OTUD7A: variants seen among roughly 807,000 people sequenced by gnomAD.
OTUD7A encodes the protein OTU domain-containing protein 7A.
OTUD7A carries 12 observed loss-of-function variants against 65.7 expected under a neutral mutation model. That is an observed-to-expected ratio of 0.18 (90% CI 0.12 to 0.30). The LOEUF (loss-of-function observed/expected upper bound fraction) is 0.30, where lower values mean the gene tolerates loss of function less well. Among genes scored for constraint, OTUD7A ranks in the 10% least tolerant of loss-of-function variants. OTUD7A has a pLI of 1.00. For missense variants in OTUD7A, 1,148 were observed against 1,304.8 expected (o/e 0.88, Z 1.85); for synonymous variants, 641 against 586.3 (o/e 1.09, Z -1.35).
At chr15:31,561,431 G>A (rs1888685380) in intron 4 of OTUD7A, among the ~76,000 whole-genome samples, 1 of 152,136 alleles carries the variant, frequency 6.6e-6, no homozygotes, top group Admixed American at 6.5e-5. Context: ...TTAGAGAATC[G>A]AGGTGCTATG....
At chr15:31,677,263 T>C (rs1892614440) in intron 1 of OTUD7A, among the ~76,000 whole-genome samples, 1 of 152,088 alleles carries the variant, frequency 6.6e-6, no homozygotes, top group Non-Finnish European at 1.5e-5. Context: ...TACATGATGG[T>C]GTGGTCTCTA....
chr15:31,747,270 A>G (rs1333871089), intron 1 of OTUD7A, among the ~76,000 whole-genome samples: 1 of 152,068 alleles, frequency 6.6e-6, no homozygotes. Flanking sequence ...TTTCTTAATT[A>G]TGACAACGCC....
At chr15:31,720,253 A>G (rs1408391207) in intron 1 of OTUD7A, among the ~76,000 whole-genome samples, 2 of 151,400 alleles carry the variant, frequency 1.3e-5, no homozygotes, top group Admixed American at 6.6e-5. Flanking sequence ...CACATCCAAT[A>G]GTTGTTATTT....
chr15:31,629,302 AG>A lies in OTUD7A; in HGVS notation c.151+25793del, dbSNP rs1454949307. On this transcript the variant is annotated intron_variant, in intron 3 of 12. Transcript: ENST00000307050. ...AATTTATTGAGAGTTTTTAGCATCA[AG>A]GGTTGTTGAATTTTGTCAAAGGCCT... is the stretch of plus-strand genomic sequence containing the variant. Among the ~76,000 whole-genome samples, 786 of 152,300 alleles carry A rather than the reference AG, an allele frequency of 5.2e-3. 7 individuals are homozygous for A. The highest frequency in any genetic ancestry group is 0.018 in the African/African-American group (757 of 41,540).
chr15:31,658,436 C>T (rs1028632211), intron 1 of OTUD7A, among the ~76,000 whole-genome samples: 1 of 152,150 alleles, frequency 6.6e-6, no homozygotes, highest in Non-Finnish European at 1.5e-5. Context: ...TCAATTCCGT[C>T]TTCTTTCCCG....
chr15:31,577,176 A>C (rs751032189), intron 3 of OTUD7A, among the ~76,000 whole-genome samples: 13 of 152,170 alleles, frequency 8.5e-5, no homozygotes, highest in Non-Finnish European at 1.6e-4. Context: ...GGAAATTTGC[A>C]TCTGTAGAGA....
At chr15:31,810,872 C>T (rs772043227) in intron 1 of OTUD7A, among the ~76,000 whole-genome samples, 8 of 152,186 alleles carry the variant, frequency 5.3e-5, no homozygotes, top group Non-Finnish European at 1.0e-4. Flanking sequence ...AGGCCTCCAT[C>T]CCCAGGAGGC....
At chr15:31,555,417 A>C (rs1178440930) in intron 5 of OTUD7A, among the ~76,000 whole-genome samples, 2 of 152,214 alleles carry the variant, frequency 1.3e-5, no homozygotes, top group Admixed American at 1.3e-4. Context: ...TTATTCATAA[A>C]GATTCTAAGC....
chr15:31,765,559 CAATT>C (rs974065001), intron 1 of OTUD7A, among the ~76,000 whole-genome samples: 4 of 152,136 alleles, frequency 2.6e-5, no homozygotes, highest in African/African-American at 9.7e-5. Flanking sequence ...TATGTGCTCT[CAATT>C]GAGATCTAGT....
intron 1 of OTUD7A, among the ~76,000 whole-genome samples, chr15:31,852,675 C>T (rs1044857266): frequency 6.6e-6 from 1 of 152,202 alleles, no homozygotes. Context: ...CTGTGCTCCT[C>T]AATGGGCTCA....
chr15:31,508,116 A>AG (rs35283274), intron 8 of OTUD7A, among the ~76,000 whole-genome samples: 113,582 of 152,064 alleles, frequency 0.75, 42,928 homozygotes, highest in African/African-American at 0.86. Flanking sequence ...CAAGGGAGCT[A>AG]TAACAGAATA....
intron 1 of OTUD7A, among the ~76,000 whole-genome samples, chr15:31,807,861 C>A (rs1459794077): frequency 6.6e-6 from 1 of 152,092 alleles, no homozygotes; most frequent in African/African-American, 2.4e-5. Flanking sequence ...TGACCTGAAC[C>A]TTTCCCAGGA....
chr15:31,690,509 G>C (rs1393556931), intron 1 of OTUD7A, among the ~76,000 whole-genome samples: 1 of 152,216 alleles, frequency 6.6e-6, no homozygotes, highest in African/African-American at 2.4e-5. Context: ...AACATACTAT[G>C]AATCTATGGT....
intron 8 of OTUD7A, among the ~76,000 whole-genome samples, chr15:31,504,691 T>TGAGGGAGTCTGTGAC (rs72228823): frequency 0.77 from 116,917 of 151,658 alleles, 46,097 homozygotes; most frequent in African/African-American, 0.95. Flanking sequence ...CAGAATTAGC[T>TGAGGGAGTCTGTGAC]GACGGCAGCA....
intron 3 of OTUD7A, among the ~76,000 whole-genome samples, chr15:31,576,788 C>T (rs1036444802): frequency 5.3e-5 from 8 of 152,302 alleles, no homozygotes; most frequent in Middle Eastern, 3.4e-3. Context: ...AAAAGTTAAA[C>T]TGTGTATATC....
intron 1 of OTUD7A, among the ~76,000 whole-genome samples, chr15:31,748,691 A>C (rs1169290205): frequency 6.6e-6 from 1 of 152,124 alleles, no homozygotes; most frequent in Non-Finnish European, 1.5e-5. Context: ...AAACGTACAA[A>C]TACCCTATGA....
At chr15:31,821,046 T>C (rs1212964430) in intron 1 of OTUD7A, among the ~76,000 whole-genome samples, 1 of 152,076 alleles carries the variant, frequency 6.6e-6, no homozygotes, top group Non-Finnish European at 1.5e-5. Flanking sequence ...AATGCAATCA[T>C]ATAATATGGG....
intron 3 of OTUD7A, among the ~76,000 whole-genome samples, chr15:31,619,206 G>C (rs145629773): frequency 0.28 from 43,199 of 152,026 alleles, 7,204 homozygotes; most frequent in African/African-American, 0.46. Flanking sequence ...AGTCAGGTAG[G>C]GTGATGCCTC....
intron 3 of OTUD7A, among the ~76,000 whole-genome samples, chr15:31,596,314 T>C (rs140132205): frequency 2.3e-3 from 352 of 152,332 alleles, no homozygotes; most frequent in Middle Eastern, 3.4e-3. Context: ...CATGCATCAG[T>C]AGTTCACTGC....
Sources: allele counts gnomAD v4.1 joint callset (sites outside exome capture counted in the v4.1 genomes callset), GRCh38; gene constraint gnomAD v4.1.1; transcripts MANE v1.5; gene names NCBI Gene and HGNC (gene_info 2026-07-23, HGNC 2026-07-21).